The following COL27A1 variants were observed in gnomAD, a reference collection of about 807,000 sequenced individuals.
COL27A1 encodes the protein collagen alpha-1(XXVII) chain.
In COL27A1, 106 loss-of-function variants were observed where a neutral mutation model predicts 251.3. That is an observed-to-expected ratio of 0.42 (90% CI 0.36 to 0.50). The LOEUF (loss-of-function observed/expected upper bound fraction) is 0.50, where lower values mean the gene tolerates loss of function less well. COL27A1 is among the 20% of genes least tolerant of loss of function. COL27A1 has a pLI of 0.00. For missense variants in COL27A1, 2,325 were observed against 2,522.8 expected (o/e 0.92, Z 1.68); for synonymous variants, 1,000 against 986.3 (o/e 1.01, Z -0.26).
chr9:114,309,191 G>A, intron 59 of COL27A1, 69 bp from the exon 60 acceptor site: 2 of 1,296,456 alleles, frequency 1.5e-6, no homozygotes, highest in Non-Finnish European at 2.2e-6. Flanking sequence ...CCATAGAGAG[G>A]CAGGGAACCC....
At chr9:114,211,822 G>C (rs1473923529) in intron 12 of COL27A1, among the ~76,000 whole-genome samples, 1 of 152,046 alleles carries the variant, frequency 6.6e-6, no homozygotes, top group Admixed American at 6.5e-5. Flanking sequence ...TCCAATTATT[G>C]AGAAGCGGGA....
At chr9:114,236,194 A>G (rs560406234) in intron 17 of COL27A1, among the ~76,000 whole-genome samples, 69 of 152,184 alleles carry the variant, frequency 4.5e-4, no homozygotes, top group Non-Finnish European at 8.2e-4. Flanking sequence ...CTGCTCAGAA[A>G]GTGGCCATTT....
rs117981254 is a variant in COL27A1, at chr9:114,244,778, C to T, written c.2935-1088C>T. Among the ~76,000 whole-genome samples the T allele has an allele frequency of 2.2e-4, 33 of 152,300 alleles. No homozygotes were observed. In the South Asian group the frequency reaches 6.6e-3, roughly 31 times the overall value. On this transcript the variant is annotated intron_variant, in intron 23 of 60. Coordinates refer to ENST00000356083, the MANE Select transcript of COL27A1 (RefSeq NM_032888.4). ...GTCCTGCCGTCTGAGGTTTCGGCCT[C>T]TCTCCCTCAGATACCAGTTGGGTTT...
At chr9:114,233,806 A>G (rs1454853336) in intron 16 of COL27A1, among the ~76,000 whole-genome samples, 1 of 152,222 alleles carries the variant, frequency 6.6e-6, no homozygotes, top group East Asian at 1.9e-4. Flanking sequence ...TTTCATGCCC[A>G]TAGTTTTTAG....
chr9:114,252,472 A>G, intron 25 of COL27A1, 121 bp from the exon 26 acceptor site: 1 of 802,072 alleles, frequency 1.2e-6, no homozygotes, highest in East Asian at 2.4e-5. Flanking sequence ...GGGACCCTCT[A>G]GAGACCTTGA....
chr9:114,267,579 G>T (rs773049837), intron 34 of COL27A1, 22 bp downstream of exon 34: 1 of 1,593,722 alleles, frequency 6.3e-7, no homozygotes, highest in Non-Finnish European at 8.5e-7. Context: ...TGAAAGAAGA[G>T]AAAAATGACT....
chr9:114,259,094 G>A (rs13286360), intron 28 of COL27A1, among the ~76,000 whole-genome samples: 1,693 of 152,352 alleles, frequency 0.011, 16 homozygotes, highest in Non-Finnish European at 0.019. Flanking sequence ...GGGTACTAAG[G>A]AAGGACTTTA....
chr9:114,254,184 G>A (rs945452482), intron 27 of COL27A1, among the ~76,000 whole-genome samples: 2 of 152,080 alleles, frequency 1.3e-5, no homozygotes, highest in Non-Finnish European at 2.9e-5. Context: ...GCACAAAGAT[G>A]GGAAATGCTG....
chr9:114,254,492 C>G (rs955352055), intron 27 of COL27A1, among the ~76,000 whole-genome samples: 4 of 151,800 alleles, frequency 2.6e-5, no homozygotes, highest in African/African-American at 9.7e-5. Context: ...AGCCAGGGGT[C>G]AGGGCTGGGA....
In COL27A1 at chr9:114,301,820, G is replaced by A; in HGVS notation, c.4845+103G>A. The A allele has an allele frequency of 4.2e-6, 5 of 1,192,274 alleles. No individual in the cohort carries two copies. In the South Asian group the frequency reaches 7.0e-5, roughly 17 times the overall value. 73.9% of individuals were successfully genotyped at this position (1,192,274 alleles called of 1,614,324 possible). A position where few individuals can be genotyped will look rare whatever the true frequency, so the allele number is the denominator to read the frequency against. On this transcript the variant is annotated intron_variant, in intron 55 of 60. Coordinates refer to ENST00000356083, the MANE Select transcript of COL27A1 (RefSeq NM_032888.4). Reference sequence around the variant, plus strand: ...CTAAGCCTTGACCCTGAACCCCACAGGGGTTCTTGTAGCCCACAGACTCCT... The same window carrying A: ...CTAAGCCTTGACCCTGAACCCCACAAGGGTTCTTGTAGCCCACAGACTCCT...
intron 23 of COL27A1, 110 bp from the exon 24 acceptor site, chr9:114,245,756 C>A (rs1458572125): frequency 2.0e-6 from 2 of 1,001,138 alleles, no homozygotes; most frequent in Non-Finnish European, 3.2e-6. Context: ...GATAAGATCC[C>A]TGGTTCATCC....
At chr9:114,200,569 T>C (rs1054030484) in intron 7 of COL27A1, among the ~76,000 whole-genome samples, 1 of 152,182 alleles carries the variant, frequency 6.6e-6, no homozygotes, top group African/African-American at 2.4e-5. Flanking sequence ...GTCTCAGGCA[T>C]CCACGGAGCA....
At chr9:114,234,140 G>A (rs1832174342) in intron 16 of COL27A1, among the ~76,000 whole-genome samples, 1 of 148,836 alleles carries the variant, frequency 6.7e-6, no homozygotes, top group Admixed American at 6.7e-5. Context: ...GATTTCCTAG[G>A]TGCCTTTTAA....
chr9:114,197,101 G>A lies in COL27A1; in HGVS notation c.2124+1089G>A, dbSNP rs140285001. ...GGGAAGGCAATGCAGACTAAGGATC[G>A]ATTGCTTTTTCCAAGAAAATCCCCA... On this transcript the variant is annotated intron_variant, in intron 7 of 60. Coordinates refer to ENST00000356083, the MANE Select transcript of COL27A1 (RefSeq NM_032888.4). 5.5e-3 allele frequency among the ~76,000 whole-genome samples: 835 copies of A among 152,316 alleles called. 6 individuals carry two copies. The highest frequency in any genetic ancestry group is 0.019 in the African/African-American group (792 of 41,548).
intron 12 of COL27A1, among the ~76,000 whole-genome samples, chr9:114,217,208 T>C (rs193187395): frequency 5.4e-4 from 82 of 152,304 alleles, no homozygotes; most frequent in Non-Finnish European, 6.0e-4. Context: ...CTCCAGAAAC[T>C]GACTCAAAAT....
intron 7 of COL27A1, among the ~76,000 whole-genome samples, chr9:114,197,143 C>G (rs4979353): frequency 6.6e-6 from 1 of 152,202 alleles, no homozygotes; most frequent in African/African-American, 2.4e-5. Flanking sequence ...GATGGATTGT[C>G]TGGTGAATCC....
intron 58 of COL27A1, 79 bp downstream of exon 58, chr9:114,306,767 AT>A: frequency 6.6e-7 from 1 of 1,521,568 alleles, no homozygotes; most frequent in Non-Finnish European, 8.9e-7. Context: ...TTTCCGCCGC[AT>A]TTTGGCTGAG....
chr9:114,270,842 G>A, intron 36 of COL27A1, 61 bp downstream of exon 36: 1 of 1,251,736 alleles, frequency 8.0e-7, no homozygotes. Context: ...TCCCATCCAA[G>A]ACCTAAGTCT....
chr9:114,292,276 C>T (rs1827975985), intron 49 of COL27A1, 66 bp downstream of exon 49: 3 of 1,200,104 alleles, frequency 2.5e-6, no homozygotes, highest in Non-Finnish European at 3.6e-6. Context: ...CATACACCTA[C>T]ATGTACAAAC....
Sources: gnomAD v4.1 joint callset for allele counts (sites outside exome capture counted in the v4.1 genomes callset) on GRCh38, gnomAD v4.1.1 for gene constraint, MANE v1.5 for transcripts, NCBI Gene and HGNC (gene_info 2026-07-23, HGNC 2026-07-21) for gene names.